FBXO25: variants seen among roughly 807,000 people sequenced by gnomAD.
FBXO25 encodes the protein F-box protein 25.
Under a neutral mutation model 51.9 loss-of-function variants are expected in FBXO25, and 45 were observed. The observed-to-expected ratio is 0.87, with a 90% CI of 0.68 to 1.11. The LOEUF is 1.11. FBXO25 is among the 50% of genes most tolerant of loss of function. The probability of loss-of-function intolerance (pLI) is 0.00; values close to 1 mark genes in which losing one functional copy is unlikely to be tolerated. For missense variants in FBXO25, 507 were observed against 428.5 expected, an observed-to-expected ratio of 1.18 and a Z score of -1.62; for synonymous variants, 199 against 151.0, an observed-to-expected ratio of 1.32 and a Z score of -2.33.
At position 444,467 on chromosome 8, in the gene FBXO25, T is replaced by G. The variant is rs571134302; in HGVS notation, c.382-5523T>G. On this transcript the variant is annotated intron_variant, in intron 5 of 9. Coordinates refer to ENST00000350302, the MANE Select transcript of FBXO25 (RefSeq NM_183420.2). ...TTTATTATATTACCACCAGAGAGTTTGGCCTTTAAGATCTCTAATTCTTTG... is the reference window on the plus strand; with the variant it reads ...TTTATTATATTACCACCAGAGAGTTGGGCCTTTAAGATCTCTAATTCTTTG... 1.7e-3 allele frequency among the ~76,000 whole-genome samples: 258 copies of G among 152,394 alleles called. 1 individual carries two copies. Among genetic ancestry groups the G allele is most frequent in the African/African-American group, 5.0e-3 (209 of 41,602 alleles).
At chr8:438,768 G>T (rs371347192) in intron 5 of FBXO25, among the ~76,000 whole-genome samples, 37 of 152,294 alleles carry the variant, frequency 2.4e-4, no homozygotes, top group African/African-American at 8.7e-4. Context: ...CTCCCACCAT[G>T]AAATCTTCTT....
rs777898118 is a variant in FBXO25, at chr8:468,723, A to AC, written c.997dup (p.His333ProfsTer9). On this transcript the variant is annotated frameshift_variant, in exon 10 of 10. Coordinates refer to ENST00000350302, the MANE Select transcript of FBXO25 (RefSeq NM_183420.2). LOFTEE classifies it high-confidence loss of function. ...CTCCCACCTCCCCACAGGACTCAGGACACCCCTGCACGGCGGCCGACCCTG... is the reference window on the plus strand; with the variant it reads ...CTCCCACCTCCCCACAGGACTCAGGACCACCCCTGCACGGCGGCCGACCCTG... 6.2e-7 allele frequency: 1 copy of AC among 1,613,610 alleles called. No individual in the cohort carries two copies. Among genetic ancestry groups the AC allele is most frequent in the African/African-American group, 1.3e-5 (1 of 74,842 alleles).
chr8:440,740 C>T (rs1026253066), intron 5 of FBXO25, among the ~76,000 whole-genome samples: 2 of 151,846 alleles, frequency 1.3e-5, no homozygotes, highest in Non-Finnish European at 2.9e-5. Context: ...GTCCCCTAGC[C>T]CCCCACCCCC....
chr8:412,993 TAA>T, intron 1 of FBXO25, 78 bp from the exon 2 acceptor site: 1 of 1,044,646 alleles, frequency 9.6e-7, no homozygotes, highest in Non-Finnish European at 1.3e-6. Flanking sequence ...CTTTAATCTT[TAA>T]AATTAATAAA....
intron 4 of FBXO25, 28 bp downstream of exon 4, chr8:432,963 T>C: frequency 1.3e-6 from 2 of 1,519,010 alleles, no homozygotes; most frequent in Non-Finnish European, 1.8e-6. Flanking sequence ...AATATGAGAG[T>C]ATCTTGTATT....
At chr8:459,801 T>C (rs983105573) in intron 8 of FBXO25, among the ~76,000 whole-genome samples, 1 of 151,926 alleles carries the variant, frequency 6.6e-6, no homozygotes, top group Non-Finnish European at 1.5e-5. Context: ...CCAACCCCAA[T>C]GTTGAGGGAT....
At chr8:466,890 G>A (rs563111939) in intron 9 of FBXO25, among the ~76,000 whole-genome samples, 7 of 152,278 alleles carry the variant, frequency 4.6e-5, no homozygotes, top group South Asian at 2.1e-4. Context: ...GTTACCTCCC[G>A]GCTGTACAAA....
intron 9 of FBXO25, among the ~76,000 whole-genome samples, chr8:463,883 G>A (rs912640769): frequency 9.9e-5 from 15 of 151,958 alleles, no homozygotes; most frequent in African/African-American, 2.7e-4. Flanking sequence ...GCGTCATCAC[G>A]GCTCACTGCA....
intron 9 of FBXO25, among the ~76,000 whole-genome samples, chr8:465,929 C>G (rs1487469653): frequency 2.0e-5 from 3 of 152,142 alleles, no homozygotes; most frequent in Admixed American, 6.5e-5. Context: ...ATTTAGTGAA[C>G]TTTGTTATCA....
chr8:431,843 G>C (rs1230934281), intron 3 of FBXO25, among the ~76,000 whole-genome samples: 1 of 152,102 alleles, frequency 6.6e-6, no homozygotes, highest in Non-Finnish European at 1.5e-5. Context: ...GAAGGCTGGA[G>C]GTGGGACCTA....
intron 1 of FBXO25, among the ~76,000 whole-genome samples, chr8:408,141 A>G (rs1464720347): frequency 2.0e-5 from 3 of 152,136 alleles, no homozygotes; most frequent in Non-Finnish European, 4.4e-5. Flanking sequence ...TCAGTTTGCC[A>G]TTTTTTAAAA....
chr8:461,860 C>T (rs900940458), intron 8 of FBXO25, among the ~76,000 whole-genome samples: 1 of 152,222 alleles, frequency 6.6e-6, no homozygotes, highest in African/African-American at 2.4e-5. Flanking sequence ...ATAATATCCC[C>T]CTCTATGTAT....
At chr8:462,677 T>TA (rs1799889130) in intron 8 of FBXO25, among the ~76,000 whole-genome samples, 1 of 143,242 alleles carries the variant, frequency 7.0e-6, no homozygotes, top group Non-Finnish European at 1.6e-5. Context: ...TTCTCAGTTA[T>TA]AAGTGGGAGG....
chr8:429,979 G>A (rs564420581), intron 2 of FBXO25, among the ~76,000 whole-genome samples: 1 of 152,252 alleles, frequency 6.6e-6, no homozygotes. Flanking sequence ...TTCCAGCTCA[G>A]TGTGTCCATG....
At chr8:443,459 A>G (rs544275878) in intron 5 of FBXO25, among the ~76,000 whole-genome samples, 2 of 151,982 alleles carry the variant, frequency 1.3e-5, no homozygotes, top group South Asian at 4.1e-4. Flanking sequence ...AGTTTCAGAT[A>G]AAAAAGCAGA....
chr8:461,975 T>G (rs1162976831), intron 8 of FBXO25, among the ~76,000 whole-genome samples: 1 of 152,214 alleles, frequency 6.6e-6, no homozygotes. Flanking sequence ...TTCGAGTTTG[T>G]GTGTAGATGC....
At chr8:411,902 A>G (rs1307154252) in intron 1 of FBXO25, among the ~76,000 whole-genome samples, 1 of 152,154 alleles carries the variant, frequency 6.6e-6, no homozygotes, top group Non-Finnish European at 1.5e-5. Context: ...GTGGACCTTT[A>G]AAAACTACTT....
intron 5 of FBXO25, 96 bp from the exon 6 acceptor site, chr8:449,894 G>A (rs1798970427): frequency 1.2e-6 from 1 of 828,042 alleles, no homozygotes; most frequent in African/African-American, 1.7e-5. Context: ...AGGATGGCAT[G>A]TTAGAAATCT....
At chr8:452,212 C>A (rs1397015493) in intron 7 of FBXO25, among the ~76,000 whole-genome samples, 1 of 152,190 alleles carries the variant, frequency 6.6e-6, no homozygotes, top group South Asian at 2.1e-4. Context: ...TATTTGCCAT[C>A]TAAATATGGG....
Sources: allele counts gnomAD v4.1 joint callset (sites outside exome capture counted in the v4.1 genomes callset), GRCh38; gene constraint gnomAD v4.1.1; transcripts MANE v1.5; gene names NCBI Gene and HGNC (gene_info 2026-07-23, HGNC 2026-07-21).